TAFA4: variants seen among roughly 807,000 people sequenced by gnomAD.
The protein encoded by TAFA4 is chemokine-like protein TAFA-4.
A neutral mutation model predicts 21.1 loss-of-function variants in TAFA4; 20 were observed. That is an observed-to-expected ratio of 0.95 (90% confidence interval 0.67 to 1.38). The LOEUF is 1.38. Among genes scored for constraint, TAFA4 ranks in the 40% most tolerant of loss-of-function variants. TAFA4 has a pLI of 0.00. For synonymous variants in TAFA4, 71 were observed against 67.4 expected (o/e 1.05, Z -0.26); for missense variants, 211 against 180.9 (o/e 1.17, Z -0.95).
intron 3 of TAFA4, among the ~76,000 whole-genome samples, chr3:68,817,265 C>A (rs1453361605): frequency 6.6e-6 from 1 of 152,138 alleles, no homozygotes; most frequent in African/African-American, 2.4e-5. Context: ...TAAGAAGCAA[C>A]CCCTCATCCG....
intron 5 of TAFA4, among the ~76,000 whole-genome samples, chr3:68,736,389 G>GGAAAA (rs1246795445): frequency 1.3e-5 from 2 of 151,902 alleles, no homozygotes; most frequent in Non-Finnish European, 2.9e-5. Context: ...TTTTATACCT[G>GGAAAA]GAAAAGATAA....
chr3:68,839,334 T>C (rs1173561638), intron 3 of TAFA4, among the ~76,000 whole-genome samples: 3 of 152,178 alleles, frequency 2.0e-5, no homozygotes, highest in African/African-American at 4.8e-5. Context: ...TGGTTTCAGA[T>C]ACAGCAAGAC....
chr3:68,926,711 G>GA (rs1240627866), intron 1 of TAFA4, among the ~76,000 whole-genome samples: 2 of 152,046 alleles, frequency 1.3e-5, no homozygotes, highest in South Asian at 4.2e-4. Context: ...TCAGAAGTTT[G>GA]AAACTAGCCT....
At chr3:68,854,232 G>C (rs1245391321) in intron 3 of TAFA4, among the ~76,000 whole-genome samples, 1 of 152,008 alleles carries the variant, frequency 6.6e-6, no homozygotes, top group East Asian at 1.9e-4. Flanking sequence ...ACACAGGCCT[G>C]AGACGAGAAT....
intron 1 of TAFA4, among the ~76,000 whole-genome samples, chr3:68,928,462 A>G (rs534078341): frequency 2.7e-4 from 41 of 152,358 alleles, no homozygotes; most frequent in African/African-American, 9.4e-4. Context: ...CAAATAAACC[A>G]TAAATCATTA....
chr3:68,869,053 C>A lies in TAFA4; in HGVS notation c.130+11677G>T, dbSNP rs764416084. Among the ~76,000 whole-genome samples, 103 of 151,832 alleles carry A rather than the reference C, an allele frequency of 6.8e-4. 2 individuals are homozygous for A. Among genetic ancestry groups the A allele is most frequent in the Non-Finnish European group, 1.4e-3 (93 of 67,844 alleles). On this transcript the variant is annotated intron_variant, in intron 3 of 5. Coordinates refer to ENST00000295569, the MANE Select transcript of TAFA4 (RefSeq NM_182522.5). ...AAAAAAGAACACATAACAACTGATACCACAGAAATTCAATGGATCATCAAC... is the reference window on the plus strand; with the variant it reads ...AAAAAAGAACACATAACAACTGATAACACAGAAATTCAATGGATCATCAAC...
At chr3:68,836,219 T>C (rs1463124236) in intron 3 of TAFA4, among the ~76,000 whole-genome samples, 1 of 152,208 alleles carries the variant, frequency 6.6e-6, no homozygotes, top group Non-Finnish European at 1.5e-5. Context: ...CACAAGGAGA[T>C]GGGGTTTTTG....
chr3:68,736,331 C>T (rs1206284756), intron 5 of TAFA4, among the ~76,000 whole-genome samples: 1 of 151,958 alleles, frequency 6.6e-6, no homozygotes, highest in Non-Finnish European at 1.5e-5. Context: ...AGCTGCATCC[C>T]CTCTAGAGAC....
chr3:68,760,734 A>G (rs896663003), intron 3 of TAFA4, among the ~76,000 whole-genome samples: 1 of 152,246 alleles, frequency 6.6e-6, no homozygotes, highest in Admixed American at 6.5e-5. Context: ...CTTGGCGAAC[A>G]TGCCCAGTAT....
chr3:68,865,329 C>A (rs750348874), intron 3 of TAFA4, among the ~76,000 whole-genome samples: 2 of 151,862 alleles, frequency 1.3e-5, no homozygotes, highest in African/African-American at 2.4e-5. Flanking sequence ...TTGGCTTTGA[C>A]CCCACCCAAA....
chr3:68,803,794 A>ATTTTT (rs1469358679), intron 3 of TAFA4, among the ~76,000 whole-genome samples: 55 of 58,646 alleles, frequency 9.4e-4, no homozygotes, highest in South Asian at 5.0e-3. Context: ...TACATCTCTG[A>ATTTTT]TTCTTTTTTT....
chr3:68,745,973 G>A (rs1445198319), intron 4 of TAFA4, among the ~76,000 whole-genome samples: 1 of 152,190 alleles, frequency 6.6e-6, no homozygotes, highest in Non-Finnish European at 1.5e-5. Context: ...ACAAGGAAAG[G>A]CAGACCCACC....
chr3:68,768,978 A>G (rs1281422059), intron 3 of TAFA4, among the ~76,000 whole-genome samples: 1 of 152,202 alleles, frequency 6.6e-6, no homozygotes, highest in Non-Finnish European at 1.5e-5. Context: ...CAATGGCTAC[A>G]AAGTTACAGT....
intron 3 of TAFA4, among the ~76,000 whole-genome samples, chr3:68,857,677 C>T (rs1335895843): frequency 6.6e-6 from 1 of 152,036 alleles, no homozygotes; most frequent in Non-Finnish European, 1.5e-5. Flanking sequence ...ATGAAGACCA[C>T]TCTGACATAG....
At chr3:68,770,661 A>T (rs895591280) in intron 3 of TAFA4, among the ~76,000 whole-genome samples, 1 of 152,190 alleles carries the variant, frequency 6.6e-6, no homozygotes, top group Non-Finnish European at 1.5e-5. Context: ...AAAAATTGGG[A>T]TGATGATGGA....
intron 3 of TAFA4, among the ~76,000 whole-genome samples, chr3:68,838,043 A>G (rs1395479804): frequency 6.6e-6 from 1 of 152,084 alleles, no homozygotes; most frequent in African/African-American, 2.4e-5. Context: ...ACTCTCAGCA[A>G]TTTTCAAGTA....
At chr3:68,903,834 G>A (rs1360850865) in intron 1 of TAFA4, among the ~76,000 whole-genome samples, 1 of 152,094 alleles carries the variant, frequency 6.6e-6, no homozygotes, top group East Asian at 1.9e-4. Flanking sequence ...GCACAGAAAA[G>A]GTTCAGGACT....
intron 1 of TAFA4, among the ~76,000 whole-genome samples, chr3:68,913,243 T>C (rs1463227443): frequency 1.3e-5 from 2 of 152,250 alleles, no homozygotes; most frequent in East Asian, 3.9e-4. Flanking sequence ...TCCTCACCTG[T>C]TATTTTCTTC....
chr3:68,915,326 C>A (rs2089993718), intron 1 of TAFA4, among the ~76,000 whole-genome samples: 1 of 152,190 alleles, frequency 6.6e-6, no homozygotes, highest in African/African-American at 2.4e-5. Flanking sequence ...CTATCACAAG[C>A]AAACATTATG....
Sources: gnomAD v4.1 joint callset for allele counts (sites outside exome capture counted in the v4.1 genomes callset) on GRCh38, gnomAD v4.1.1 for gene constraint, MANE v1.5 for transcripts, NCBI Gene and HGNC (gene_info 2026-07-23, HGNC 2026-07-21) for gene names.